EML2: variants seen among roughly 807,000 people sequenced by gnomAD.
The protein encoded by EML2 is EMAP like 2.
In EML2, 59 loss-of-function variants were observed where a neutral mutation model predicts 84.7. The observed-to-expected ratio is 0.70, with a 90% CI of 0.56 to 0.86. The LOEUF (loss-of-function observed/expected upper bound fraction) is 0.86. Among genes scored for constraint, EML2 ranks in the 40% least tolerant of loss-of-function variants. EML2 has a pLI of 0.00. For missense variants in EML2, 818 were observed against 855.6 expected, an observed-to-expected ratio of 0.96 and a Z score of 0.55; for synonymous variants, 352 against 348.9, an observed-to-expected ratio of 1.01 and a Z score of -0.10.
upstream of EML2, chr19:45,642,026 T>C (rs939484694): frequency 6.9e-7 from 1 of 1,443,332 alleles, no homozygotes; most frequent in Middle Eastern, 1.8e-4. Flanking sequence ...GGGAAGGCCT[T>C]TCAAGAGCTG....
At chr19:45,628,019 C>A (rs573135996) in intron 7 of EML2, among the ~76,000 whole-genome samples, 1 of 151,836 alleles carries the variant, frequency 6.6e-6, no homozygotes, top group Non-Finnish European at 1.5e-5. Context: ...GAGCCGAGAT[C>A]GTGCCAGTGC....
chr19:45,626,673 G>T (rs1338503716), intron 8 of EML2, 32 bp downstream of exon 8: 1 of 1,591,930 alleles, frequency 6.3e-7, no homozygotes, highest in Admixed American at 1.7e-5. Flanking sequence ...CTCTCTCAGG[G>T]CCAGCCTGTC....
rs1048338092 is a variant in EML2 at position 45,609,548 on chromosome 19, C to T, written c.*115G>A. 6 of 1,155,030 alleles carry T rather than the reference C, an allele frequency of 5.2e-6. No individual in the cohort carries two copies. Among genetic ancestry groups the T allele is most frequent in the South Asian group, 2.4e-5 (1 of 42,550 alleles). The allele number at this position is 1,155,030 out of a possible 1,614,324, so 71.5% of individuals were successfully genotyped here. On this transcript the variant is annotated 3_prime_UTR_variant, in exon 19 of 19. Coordinates refer to ENST00000245925, the MANE Select transcript of EML2 (RefSeq NM_012155.4). ...TTCTGTATGTCAGTCTACCCTCCCG[C>T]CCCCATAACCCCCTCTGCTATAGAC...
intron 15 of EML2, chr19:45,616,204 G>A (rs1350914695): frequency 5.5e-6 from 3 of 543,140 alleles, no homozygotes; most frequent in Non-Finnish European, 9.9e-6. Flanking sequence ...GGGCGGTCTC[G>A]GAACGTGAGG....
intron 3 of EML2, among the ~76,000 whole-genome samples, chr19:45,634,862 T>G (rs1483567848): frequency 6.6e-6 from 1 of 150,780 alleles, no homozygotes; most frequent in Non-Finnish European, 1.5e-5. Flanking sequence ...TTATTTTTTC[T>G]TTTTTTTGAG....
At chr19:45,627,931 C>T (rs1229299098) in intron 7 of EML2, among the ~76,000 whole-genome samples, 8 of 152,092 alleles carry the variant, frequency 5.3e-5, no homozygotes, top group Admixed American at 3.3e-4. Flanking sequence ...CGTGGTGGTG[C>T]ATGCCTGTAA....
chr19:45,616,604 C>A (rs747926088), intron 14 of EML2, 46 bp from the exon 15 acceptor site: 2 of 1,499,808 alleles, frequency 1.3e-6, no homozygotes, highest in South Asian at 2.3e-5. Flanking sequence ...CAGGCTCCAT[C>A]CCCTCCTCGC....
chr19:45,613,665 C>A lies in EML2; in HGVS notation c.1700G>T (p.Trp567Leu), dbSNP rs1025518208. 2 of 1,613,138 alleles carry A rather than the reference C, an allele frequency of 1.2e-6. No individual in the cohort carries two copies. The highest frequency in any genetic ancestry group is 1.1e-5 in the South Asian group (1 of 91,042). Reference protein sequence around the residue: ...CVLGFGVFGIWSEGADGTDIN... With the variant: ...CVLGFGVFGILSEGADGTDIN... ...ATCAGTGCCGTCCGCCCCCTCAGAC[C>A]AGATCCCTGTGGGCAAGATGAAGGG... The change falls in exon 18 of 19, where the codon TGG becomes TTG. Residue 567 changes from tryptophan (W) to leucine (L), a missense_variant. Transcript: ENST00000245925.
rs762950019 is a variant in EML2 at position 45,615,906 on chromosome 19, G to A, written c.1510-17C>T. 1.2e-6 allele frequency: 2 copies of A among 1,606,236 alleles called. No homozygotes were observed. The highest frequency in any genetic ancestry group is 1.7e-6 in the Non-Finnish European group (2 of 1,173,112). ...GGAATGGCCCTGCGGGGGAGGGAAGGGATGGTGTTAGAGCTGCAGAGGGCG... is the reference window on the plus strand; with the variant it reads ...GGAATGGCCCTGCGGGGGAGGGAAGAGATGGTGTTAGAGCTGCAGAGGGCG... On this transcript the variant is annotated splice_polypyrimidine_tract_variant and intron_variant, in intron 15 of 18. Transcript: ENST00000245925.
In EML2 at chr19:45,621,527, C is replaced by T. The variant is rs1488083787; in HGVS notation, c.952G>A (p.Val318Met). Residue 318 changes from valine to methionine, a missense_variant, in exon 10 of 19, where the codon GTG (valine) becomes ATG (methionine). By Grantham distance (21) the Val-to-Met change is conservative (BLOSUM62 1). Transcript: ENST00000245925. ...LVSGGGRDRR[V>M]VLWGSDYSKL... The stretch of plus-strand genomic sequence containing the variant: ...CTGTAGTCAGAACCCCAGAGGACCA[C>T]CCGCCGATCACGGCCCCCTCCAGAC... 6.2e-7 allele frequency: 1 copy of T among 1,612,746 alleles called. No individual in the cohort carries two copies. Among genetic ancestry groups the T allele is most frequent in the Non-Finnish European group, 8.5e-7 (1 of 1,179,990 alleles).
chr19:45,611,249 G>T (rs1423610533), intron 18 of EML2, among the ~76,000 whole-genome samples: 1 of 151,532 alleles, frequency 6.6e-6, no homozygotes, highest in Non-Finnish European at 1.5e-5. Context: ...GTCTCTATTT[G>T]AAAAATACAA....
intron 18 of EML2, 97 bp from the exon 19 acceptor site, chr19:45,609,885 CTCTTT>C: frequency 1.4e-6 from 2 of 1,383,256 alleles, no homozygotes; most frequent in Non-Finnish European, 1.9e-6. Flanking sequence ...TCTGCTCTTC[CTCTTT>C]TTTTTTTTTT....
chr19:45,628,232 G>C (rs1341134371), intron 7 of EML2, among the ~76,000 whole-genome samples: 1 of 151,556 alleles, frequency 6.6e-6, no homozygotes, highest in African/African-American at 2.4e-5. Flanking sequence ...ATTAGGCGTG[G>C]TGGTGCGCAC....
At position 45,619,200 on chromosome 19, in the gene EML2, A is replaced by G. The variant is rs1971425032; in HGVS notation, c.1123-9T>C. The G allele has an allele frequency of 6.2e-7, 1 of 1,608,098 alleles. No homozygotes were observed. The highest frequency in any genetic ancestry group is 8.5e-7 in the Non-Finnish European group (1 of 1,177,658). ...AGCTCTTCCACATGGCCCTGGTGGA[A>G]AGGGAGGACAGCAGGATGGAGACAG... On this transcript the variant is annotated splice_polypyrimidine_tract_variant and intron_variant, in intron 11 of 18. Coordinates refer to ENST00000245925, the MANE Select transcript of EML2 (RefSeq NM_012155.4).
At chr19:45,643,550 C>T (rs576255180), upstream of EML2, 80 of 1,535,962 alleles carry the variant, frequency 5.2e-5, no homozygotes, top group African/African-American at 1.1e-3. Context: ...AGTGGCCCCT[C>T]TCCCCCTTTT....
At chr19:45,637,678 T>C (rs1219610513) in intron 3 of EML2, among the ~76,000 whole-genome samples, 5 of 122,720 alleles carry the variant, frequency 4.1e-5, no homozygotes, top group African/African-American at 8.9e-5. Flanking sequence ...TTTTTTTTTT[T>C]TTTTTTTTTT....
intron 7 of EML2, 92 bp downstream of exon 7, chr19:45,629,859 A>G: frequency 9.9e-7 from 1 of 1,011,784 alleles, no homozygotes; most frequent in African/African-American, 1.6e-5. Context: ...GGGCTTAAAC[A>G]CGGGTCTATC....
chr19:45,617,622 A>G lies in EML2; in HGVS notation c.1322+8T>C. The G allele has an allele frequency of 5.0e-6, 8 of 1,612,916 alleles. No homozygotes were observed. The highest frequency in any genetic ancestry group is 5.9e-6 in the Non-Finnish European group (7 of 1,179,426). ...GAAGGCCTCCCGAAATGCTCTCCTC[A>G]GCTTTACCTGCCAGTCACTGTACCC... is the stretch of plus-strand genomic sequence containing the variant. On this transcript the variant is annotated splice_region_variant and intron_variant, in intron 13 of 18. Transcript: ENST00000245925.
At chr19:45,643,250 T>G (rs1974748966), upstream of EML2, among the ~76,000 whole-genome samples, 1 of 152,172 alleles carries the variant, frequency 6.6e-6, no homozygotes, top group Admixed American at 6.6e-5. Context: ...ACCCTGGGGT[T>G]CGACCCTAGA....
Sources: gnomAD v4.1 joint callset for allele counts (sites outside exome capture counted in the v4.1 genomes callset) on GRCh38, gnomAD v4.1.1 for gene constraint, MANE v1.5 for transcripts, NCBI Gene and HGNC (gene_info 2026-07-23, HGNC 2026-07-21) for gene names.